GRM8: variants seen among roughly 807,000 people sequenced by gnomAD.
GRM8 encodes the protein metabotropic glutamate receptor 8.
GRM8 carries 47 observed loss-of-function variants against 87.2 expected under a neutral mutation model. The observed-to-expected ratio is 0.54, with a 90% CI of 0.43 to 0.69. The LOEUF (loss-of-function observed/expected upper bound fraction) is 0.69. Ranked by LOEUF, GRM8 falls within the 30% of genes least tolerant of loss-of-function variation. The pLI, the probability that GRM8 is intolerant of heterozygous loss-of-function variation, is 0.00. For missense variants in GRM8, 1,019 were observed against 1,139.2 expected (o/e 0.89, Z 1.52); for synonymous variants, 396 against 404.5 (o/e 0.98, Z 0.25).
intron 7 of GRM8, among the ~76,000 whole-genome samples, chr7:126,672,710 T>TA (rs35476428): frequency 0.062 from 9,467 of 152,230 alleles, 614 homozygotes; most frequent in East Asian, 0.32. Flanking sequence ...TGCAAACTGG[T>TA]AAAAGGCCTT....
intron 7 of GRM8, among the ~76,000 whole-genome samples, chr7:126,759,954 C>G (rs1817421567): frequency 1.3e-5 from 2 of 152,084 alleles, no homozygotes; most frequent in African/African-American, 4.8e-5. Flanking sequence ...TGTTGTAAAG[C>G]TAGATTCAAA....
At chr7:127,232,629 G>A (rs1437384890) in intron 2 of GRM8, among the ~76,000 whole-genome samples, 3 of 152,156 alleles carry the variant, frequency 2.0e-5, no homozygotes, top group Non-Finnish European at 2.9e-5. Context: ...AAGTCAGTCT[G>A]AATGGCTGAG....
intron 3 of GRM8, among the ~76,000 whole-genome samples, chr7:127,101,390 T>G (rs1249325267): frequency 1.3e-5 from 2 of 152,236 alleles, no homozygotes; most frequent in Non-Finnish European, 2.9e-5. Flanking sequence ...AAATCTCATG[T>G]GCAATTGTAA....
chr7:126,923,760 A>C (rs1399861460), intron 3 of GRM8, among the ~76,000 whole-genome samples: 6 of 152,138 alleles, frequency 3.9e-5, no homozygotes, highest in Non-Finnish European at 7.4e-5. Context: ...TCATAAGAAA[A>C]GAGAGTAGAG....
chr7:127,188,037 T>C (rs1200432323), intron 2 of GRM8, among the ~76,000 whole-genome samples: 1 of 152,228 alleles, frequency 6.6e-6, no homozygotes, highest in East Asian at 1.9e-4. Context: ...ACTGAGTGCC[T>C]GCAATGGAAG....
intron 2 of GRM8, among the ~76,000 whole-genome samples, chr7:127,170,544 T>G (rs1460117786): frequency 6.6e-6 from 1 of 152,332 alleles, no homozygotes; most frequent in East Asian, 1.9e-4. Flanking sequence ...TTCACATGCA[T>G]GTATACAGCA....
chr7:126,878,508 G>A (rs1586294225), intron 6 of GRM8, among the ~76,000 whole-genome samples: 2 of 139,234 alleles, frequency 1.4e-5, no homozygotes, highest in Admixed American at 7.1e-5. Context: ...TTAATATATC[G>A]TCGTCTTCTT....
intron 3 of GRM8, among the ~76,000 whole-genome samples, chr7:126,929,372 G>A (rs1416275750): frequency 2.0e-5 from 3 of 152,170 alleles, no homozygotes; most frequent in Admixed American, 6.5e-5. Flanking sequence ...TAGGACAATT[G>A]AGCATATGAA....
At position 126,500,678 on chromosome 7, in the gene GRM8, C is replaced by T. The variant is rs17149858; in HGVS notation, c.2430+32274G>A. On this transcript the variant is annotated intron_variant, in intron 9 of 10. Coordinates refer to ENST00000339582, the MANE Select transcript of GRM8 (RefSeq NM_000845.3). Reference sequence around the variant, plus strand: ...AGTTTAATATGTAAAAAATACTCAGCACGGTGTTTGGCATGTAGTAATAAA... The same window carrying T: ...AGTTTAATATGTAAAAAATACTCAGTACGGTGTTTGGCATGTAGTAATAAA... Among the ~76,000 whole-genome samples, 1,144 of 152,104 alleles carry T rather than the reference C, an allele frequency of 7.5e-3. 8 individuals carry two copies. Among genetic ancestry groups the T allele is most frequent in the African/African-American group, 0.026 (1,074 of 41,538 alleles).
intron 2 of GRM8, among the ~76,000 whole-genome samples, chr7:127,161,202 T>G (rs908413189): frequency 6.6e-6 from 1 of 152,158 alleles, no homozygotes; most frequent in Admixed American, 6.5e-5. Flanking sequence ...AACTACATAA[T>G]GTTCCTGTCT....
chr7:126,853,827 T>A (rs1184094473), intron 6 of GRM8, among the ~76,000 whole-genome samples: 1 of 152,202 alleles, frequency 6.6e-6, no homozygotes, highest in Non-Finnish European at 1.5e-5. Flanking sequence ...TATTTGCTTT[T>A]CCTCTTTCCT....
intron 6 of GRM8, among the ~76,000 whole-genome samples, chr7:126,877,023 T>C (rs533748569): frequency 6.6e-6 from 1 of 152,134 alleles, no homozygotes; most frequent in East Asian, 1.9e-4. Flanking sequence ...CCTCTACTAC[T>C]CAGGGCAAAC....
intron 3 of GRM8, among the ~76,000 whole-genome samples, chr7:127,000,515 A>C (rs780300773): frequency 2.6e-5 from 4 of 151,714 alleles, no homozygotes; most frequent in African/African-American, 9.7e-5. Flanking sequence ...ATAAATATAT[A>C]CACTTACTAT....
chr7:126,611,872 A>C (rs1798946833), intron 7 of GRM8, among the ~76,000 whole-genome samples: 1 of 152,208 alleles, frequency 6.6e-6, no homozygotes, highest in African/African-American at 2.4e-5. Flanking sequence ...ACATTGTCAC[A>C]AAATATAATA....
At chr7:126,500,269 A>C (rs1398464467) in intron 9 of GRM8, among the ~76,000 whole-genome samples, 1 of 150,640 alleles carries the variant, frequency 6.6e-6, no homozygotes, top group Non-Finnish European at 1.5e-5. Flanking sequence ...CCACCATTCT[A>C]CTCTCTATAT....
chr7:126,554,134 C>T (rs1040307902), intron 8 of GRM8, among the ~76,000 whole-genome samples: 2 of 151,808 alleles, frequency 1.3e-5, no homozygotes, highest in African/African-American at 4.8e-5. Flanking sequence ...ATTGTTTAAG[C>T]TATTAGTTTC....
At chr7:126,865,957 C>A (rs145687986) in intron 6 of GRM8, among the ~76,000 whole-genome samples, 1 of 152,116 alleles carries the variant, frequency 6.6e-6, no homozygotes, top group East Asian at 1.9e-4. Context: ...AGAGTAGAAC[C>A]GGTGGAATAT....
chr7:126,648,524 T>C (rs1803432195), intron 7 of GRM8, among the ~76,000 whole-genome samples: 1 of 152,224 alleles, frequency 6.6e-6, no homozygotes, highest in African/African-American at 2.4e-5. Context: ...GTTTTCTTTG[T>C]GCAGTGTCTG....
chr7:126,829,255 C>T (rs1436258582), intron 6 of GRM8, among the ~76,000 whole-genome samples: 1 of 145,034 alleles, frequency 6.9e-6, no homozygotes, highest in Non-Finnish European at 1.5e-5. Flanking sequence ...CCTGGGTATC[C>T]TTGTTAACTT....
Sources: allele counts gnomAD v4.1 joint callset (sites outside exome capture counted in the v4.1 genomes callset), GRCh38; gene constraint gnomAD v4.1.1; transcripts MANE v1.5; gene names NCBI Gene and HGNC (gene_info 2026-07-23, HGNC 2026-07-21).